Variants in ERC2 observed in about 807,000 individuals in gnomAD.
ERC2 encodes the protein ERC protein 2.
ERC2 carries 42 observed loss-of-function variants against 114.8 expected under a neutral mutation model. That is an observed-to-expected ratio of 0.37 (90% CI 0.29 to 0.47). ERC2 has a LOEUF of 0.47. Ranked by LOEUF, ERC2 falls within the 20% of genes least tolerant of loss-of-function variation. The pLI is 0.99. For missense variants in ERC2, 939 were observed against 1,150.7 expected (o/e 0.82, Z 2.66); for synonymous variants, 454 against 425.5 (o/e 1.07, Z -0.82).
At chr3:55,859,751 A>G (rs1306100081) in intron 14 of ERC2, among the ~76,000 whole-genome samples, 1 of 131,612 alleles carries the variant, frequency 7.6e-6, no homozygotes, top group Non-Finnish European at 1.5e-5. Context: ...GTTTGGACCT[A>G]TGGAGCCAGA....
At chr3:56,134,812 A>G (rs1382989726) in intron 6 of ERC2, among the ~76,000 whole-genome samples, 1 of 152,178 alleles carries the variant, frequency 6.6e-6, no homozygotes, top group East Asian at 1.9e-4. Flanking sequence ...CATATAACAC[A>G]TCTTGGAAAA....
At chr3:55,857,371 T>C (rs1459156273) in intron 14 of ERC2, among the ~76,000 whole-genome samples, 1 of 152,054 alleles carries the variant, frequency 6.6e-6, no homozygotes, top group African/African-American at 2.4e-5. Flanking sequence ...TGTCTTTGTC[T>C]CTCCCTCTCC....
At chr3:56,258,570 C>G (rs375694080) in intron 3 of ERC2, among the ~76,000 whole-genome samples, 188 of 152,320 alleles carry the variant, frequency 1.2e-3, no homozygotes, top group African/African-American at 4.4e-3. Context: ...AGGAGAATGG[C>G]GTGAACCCGG....
chr3:56,187,246 C>T (rs1348158469), intron 3 of ERC2, among the ~76,000 whole-genome samples: 7 of 152,164 alleles, frequency 4.6e-5, no homozygotes, highest in Non-Finnish European at 5.9e-5. Context: ...GAAAGGCACA[C>T]TTCCAGGAAA....
chr3:56,391,974 T>C (rs533693284), intron 2 of ERC2, among the ~76,000 whole-genome samples: 2 of 152,304 alleles, frequency 1.3e-5, no homozygotes, highest in African/African-American at 4.8e-5. Context: ...ATACTTACCA[T>C]ACACCTAATG....
At chr3:56,454,858 CAG>C (rs374409044) in intron 1 of ERC2, among the ~76,000 whole-genome samples, 1,200 of 21,612 alleles carry the variant, frequency 0.056, 79 homozygotes, top group African/African-American at 0.17. Flanking sequence ...GACTCTGTCT[CAG>C]AAAAAAAAAA....
chr3:55,949,586 T>C (rs2067357302), intron 13 of ERC2, among the ~76,000 whole-genome samples: 1 of 152,180 alleles, frequency 6.6e-6, no homozygotes, highest in African/African-American at 2.4e-5. Context: ...CTGGAATAAT[T>C]ACTGATTTCT....
At chr3:55,721,187 T>C (rs563524836) in intron 15 of ERC2, among the ~76,000 whole-genome samples, 2 of 152,348 alleles carry the variant, frequency 1.3e-5, no homozygotes, top group African/African-American at 4.8e-5. Context: ...TGAGTGTGTG[T>C]CCTGGCCCAA....
rs192708348 is a variant in ERC2, at chr3:56,463,541, T to C, written c.-141+4707A>G. ...GTTCTTTTAGTTGGAAAGGAGAAAA[T>C]GAATGTTGGGTAGGCAACCAGCAAG... On this transcript the variant is annotated intron_variant, in intron 1 of 17. Transcript: ENST00000288221. Among the ~76,000 whole-genome samples the C allele has an allele frequency of 9.2e-4, 140 of 152,274 alleles. 3 individuals carry two copies. In the East Asian group the frequency reaches 0.024, roughly 26 times the overall value.
At chr3:55,912,270 T>C (rs2064853374) in intron 13 of ERC2, among the ~76,000 whole-genome samples, 1 of 152,168 alleles carries the variant, frequency 6.6e-6, no homozygotes, top group Non-Finnish European at 1.5e-5. Flanking sequence ...CCTACAATGA[T>C]ACTTGATGGT....
chr3:56,111,626 T>G (rs1225004531), intron 6 of ERC2, among the ~76,000 whole-genome samples: 2 of 152,140 alleles, frequency 1.3e-5, no homozygotes, highest in African/African-American at 4.8e-5. Flanking sequence ...CCATACTCAT[T>G]ATTAAACCAT....
chr3:55,556,804 A>G (rs1375009576), intron 17 of ERC2, among the ~76,000 whole-genome samples: 1 of 152,156 alleles, frequency 6.6e-6, no homozygotes, highest in Admixed American at 6.5e-5. Flanking sequence ...AAGCCAATAA[A>G]TCTTCTCATT....
At chr3:55,871,056 T>TA (rs1220493821) in intron 14 of ERC2, among the ~76,000 whole-genome samples, 2 of 152,168 alleles carry the variant, frequency 1.3e-5, no homozygotes, top group African/African-American at 4.8e-5. Context: ...CCCAGTGATA[T>TA]CCCTGGTTAC....
chr3:56,180,999 G>T (rs1234614800), intron 3 of ERC2, among the ~76,000 whole-genome samples: 1 of 152,062 alleles, frequency 6.6e-6, no homozygotes. Flanking sequence ...AATACAGTAC[G>T]CTATTTTTTA....
At chr3:56,339,312 T>G (rs1299880182) in intron 2 of ERC2, among the ~76,000 whole-genome samples, 1 of 151,664 alleles carries the variant, frequency 6.6e-6, no homozygotes, top group Non-Finnish European at 1.5e-5. Context: ...TCTGAGGAGG[T>G]GAACTATGGA....
At chr3:55,609,471 T>G (rs1253210502) in intron 17 of ERC2, among the ~76,000 whole-genome samples, 1 of 152,126 alleles carries the variant, frequency 6.6e-6, no homozygotes, top group East Asian at 1.9e-4. Context: ...GACTGGAAGT[T>G]AAGCAGCCAT....
At chr3:55,957,487 G>T (rs2068039347) in intron 12 of ERC2, among the ~76,000 whole-genome samples, 1 of 152,164 alleles carries the variant, frequency 6.6e-6, no homozygotes, top group Admixed American at 6.5e-5. Flanking sequence ...GGATCCTTAG[G>T]GTGTTCCTCC....
chr3:55,697,998 A>G (rs111571749), intron 16 of ERC2, among the ~76,000 whole-genome samples: 39 of 152,030 alleles, frequency 2.6e-4, no homozygotes, highest in African/African-American at 8.2e-4. Flanking sequence ...GGTGGTGGTG[A>G]TGGTGAAGGG....
chr3:55,560,687 C>T (rs2055949325), intron 17 of ERC2, among the ~76,000 whole-genome samples: 1 of 152,140 alleles, frequency 6.6e-6, no homozygotes, highest in African/African-American at 2.4e-5. Context: ...ATTCCTGACC[C>T]ATAAAATTCT....
Sources: allele counts gnomAD v4.1 joint callset (sites outside exome capture counted in the v4.1 genomes callset), GRCh38; gene constraint gnomAD v4.1.1; transcripts MANE v1.5; gene names NCBI Gene and HGNC (gene_info 2026-07-23, HGNC 2026-07-21).